MRPS2: variants seen among roughly 807,000 people sequenced by gnomAD.
The protein encoded by MRPS2 is mitochondrial ribosomal protein S2.
MRPS2 carries 13 observed loss-of-function variants against 18.9 expected under a neutral mutation model. The ratio of observed to expected loss-of-function variants is 0.69; its 90% CI spans 0.45 to 1.09. The LOEUF (loss-of-function observed/expected upper bound fraction) is 1.09, where lower values mean the gene tolerates loss of function less well. MRPS2 is among the 50% of genes least tolerant of loss of function. MRPS2 has a pLI of 0.00. For missense variants in MRPS2, 389 were observed against 421.7 expected (o/e 0.92, Z 0.68); for synonymous variants, 186 against 178.4 (o/e 1.04, Z -0.34).
rs574314151 is a variant in MRPS2, at chr9:135,503,212, C to T, written c.300-330C>T. On this transcript the variant is annotated intron_variant, in intron 3 of 3. Transcript: ENST00000241600. ...AAGAGGACAGTGACGGAGGCGGCTG[C>T]CCTGTGAGCTGCACGGGGCAGAATG... The T allele has an allele frequency of 1.9e-5, 22 of 1,141,486 alleles. No individual in the cohort carries two copies. In the African/African-American group the frequency reaches 3.5e-4, roughly 18 times the overall value. The allele number at this position is 1,141,486 out of a possible 1,614,324, so 70.7% of individuals were successfully genotyped here. A position where few individuals can be genotyped will look rare whatever the true frequency, so the allele number is the denominator to read the frequency against.
upstream of MRPS2, chr9:135,500,607 T>G: frequency 7.8e-7 from 1 of 1,275,454 alleles, no homozygotes; most frequent in Non-Finnish European, 1.0e-6. Flanking sequence ...CTGTGGCTCC[T>G]CCGGGCCTGT....
rs773082981 is a variant in MRPS2, at chr9:135,504,100, C to A, written c.858C>A (p.His286Gln). 1.2e-6 allele frequency: 2 copies of A among 1,610,642 alleles called. No homozygotes were observed. Among genetic ancestry groups the A allele is most frequent in the Non-Finnish European group, 8.5e-7 (1 of 1,179,634 alleles). Residue 286 changes from histidine (H) to glutamine (Q), a missense_variant, in exon 4 of 4, where the codon CAC becomes CAA. By Grantham distance (24) the His-to-Gln change is conservative (BLOSUM62 0). Coordinates refer to ENST00000241600, the MANE Select transcript of MRPS2 (RefSeq NM_016034.5). The surrounding 1 kb of genome is among the most constrained non-coding windows in gnomAD (Gnocchi z 4.3). ...AGCCCGGGGACCAGGGGCCAGCCCACCCTCCTGGGGCTGACATGAGCCATT... is the reference window on the plus strand; with the variant it reads ...AGCCCGGGGACCAGGGGCCAGCCCAACCTCCTGGGGCTGACATGAGCCATT... The part of the protein sequence containing the change: ...QKEPGDQGPA[H>Q]PPGADMSHSL
chr9:135,500,764 G>T lies in MRPS2; in HGVS notation c.43+11G>T. The T allele has an allele frequency of 6.8e-7, 1 of 1,475,404 alleles. No individual in the cohort carries two copies. 91.4% of individuals were successfully genotyped at this position (1,475,404 alleles called of 1,614,324 possible). ...GAATACTCGGCGCGGGTGAGCGCGC[G>T]CTTGCGGGACCCTGGGGAGGAGCAT... is the stretch of plus-strand genomic sequence containing the variant. On this transcript the variant is annotated intron_variant, in intron 1 of 3. Transcript: ENST00000241600.
Position 135,503,698 on chromosome 9 carries a change from G to C in MRPS2, c.456G>C (p.Ser152=). 6.2e-7 allele frequency: 1 copy of C among 1,613,682 alleles called. No homozygotes were observed. The highest frequency in any genetic ancestry group is 8.5e-7 in the Non-Finnish European group (1 of 1,180,020). Residue 152 remains serine, a synonymous_variant, in exon 4 of 4, where the codon TCG becomes TCC. Transcript: ENST00000241600. ...ILFISRNRQF[S]YLIENMARDC... is the part of the protein sequence containing the mutation. ...TTATAAGCCGCAACCGGCAGTTCTC[G>C]TACCTGATTGAGAACATGGCCCGTG...
At position 135,501,986 on chromosome 9, in the gene MRPS2, C is replaced by G. The variant is rs768653629; in HGVS notation, c.299+13C>G. The stretch of plus-strand genomic sequence containing the variant: ...GCTGTCGGCACAGGTAGGTGACACC[C>G]CCATCTGAGCCCGGGGCGGTTCCCA... On this transcript the variant is annotated intron_variant, in intron 3 of 3. Coordinates refer to ENST00000241600, the MANE Select transcript of MRPS2 (RefSeq NM_016034.5). 5 of 1,612,970 alleles carry G rather than the reference C, an allele frequency of 3.1e-6. No homozygotes were observed. The highest frequency in any genetic ancestry group is 1.7e-5 in the Admixed American group (1 of 60,002).
At chr9:135,502,272 T>TC (rs951257236) in intron 3 of MRPS2, 2 of 1,163,338 alleles carry the variant, frequency 1.7e-6, no homozygotes, top group Middle Eastern at 2.3e-4. Flanking sequence ...GTAAGGTTGG[T>TC]CCCCCCGGAT....
chr9:135,500,541 C>T (rs1831086035), upstream of MRPS2: 3 of 645,290 alleles, frequency 4.6e-6, no homozygotes, highest in Non-Finnish European at 4.8e-6. Context: ...ACCCCGGGCC[C>T]TGACCCCTCG....
At position 135,500,882 on chromosome 9, in the gene MRPS2, G is replaced by T. The variant is rs1479857979; in HGVS notation, c.44-116G>T. The T allele has an allele frequency of 5.2e-6, 8 of 1,545,784 alleles. No individual in the cohort carries two copies. The East Asian group carries it at 1.9e-4, about 37-fold the overall frequency. On this transcript the variant is annotated intron_variant, in intron 1 of 3. Coordinates refer to ENST00000241600, the MANE Select transcript of MRPS2 (RefSeq NM_016034.5). The stretch of plus-strand genomic sequence containing the variant: ...AGCGCGGAGGGGACTCGGGGAGGGC[G>T]CGGGGACGCGGAGGGGACCCGTTAG...
In MRPS2 at chr9:135,503,648, G is replaced by A; in HGVS notation, c.406G>A (p.Ala136Thr). 1 of 1,613,828 alleles carries A rather than the reference G, an allele frequency of 6.2e-7. No individual in the cohort carries two copies. The highest frequency in any genetic ancestry group is 2.2e-5 in the East Asian group (1 of 44,872). ...GGCCTTGAACTTCACCGCCCACATG[G>A]CCTACCGCAAGGGCATCATCTTGTT... The part of the protein sequence containing the change: ...QLALNFTAHM[A>T]YRKGIILFIS... The change falls in exon 4 of 4, where the codon GCC becomes ACC. Residue 136 changes from alanine (A) to threonine (T), a missense_variant. By Grantham distance (58) the Ala-to-Thr change is moderately conservative. Transcript: ENST00000241600.
At chr9:135,503,417 C>T (rs1328542007) in intron 3 of MRPS2, 125 bp from the exon 4 acceptor site, 9 of 1,393,842 alleles carry the variant, frequency 6.5e-6, no homozygotes, top group Middle Eastern at 1.8e-4. Context: ...ATTGTGCTTC[C>T]CAGCCCATAG....
At chr9:135,500,959 C>G in intron 1 of MRPS2, 39 bp from the exon 2 acceptor site, 1 of 1,606,934 alleles carries the variant, frequency 6.2e-7, no homozygotes, top group Non-Finnish European at 8.5e-7. Context: ...GTGGTGCATT[C>G]GGGACTCGGC....
rs370928628 is a variant in MRPS2 at position 135,503,866 on chromosome 9, C to G, written c.624C>G (p.Ala208=). Residue 208 remains alanine, a synonymous_variant, in exon 4 of 4, where the codon GCC becomes GCG. Transcript: ENST00000241600. ...ACAACATCTTTGAGCCACACGTGGCCGTGAGAGACGCAGCCAAGATGAACA... is the reference window on the plus strand; with the variant it reads ...ACAACATCTTTGAGCCACACGTGGCGGTGAGAGACGCAGCCAAGATGAACA... The part of the protein sequence containing the change: ...TLNNIFEPHV[A]VRDAAKMNIP... The G allele has an allele frequency of 1.9e-6, 3 of 1,613,848 alleles. No homozygotes were observed. The African/African-American group carries it at 4.0e-5, about 22-fold the overall frequency.
intron 2 of MRPS2, 113 bp downstream of exon 2, chr9:135,501,236 C>A: frequency 2.1e-6 from 3 of 1,445,198 alleles, no homozygotes; most frequent in Non-Finnish European, 2.7e-6. Flanking sequence ...CTGCGCGCTC[C>A]GCTGGGCTCC....
chr9:135,504,402 G>A lies in MRPS2; in HGVS notation c.*269G>A, dbSNP rs1349845666. 2.3e-5 allele frequency: 12 copies of A among 517,806 alleles called. No individual in the cohort carries two copies. The highest frequency in any genetic ancestry group is 4.1e-5 in the Non-Finnish European group (12 of 292,404). 32.1% of individuals were successfully genotyped at this position (517,806 alleles called of 1,614,324 possible). A position where few individuals can be genotyped will look rare whatever the true frequency, so the allele number is the denominator to read the frequency against. On this transcript the variant is annotated 3_prime_UTR_variant, in exon 4 of 4. Coordinates refer to ENST00000241600, the MANE Select transcript of MRPS2 (RefSeq NM_016034.5). The surrounding 1 kb of genome is among the most constrained non-coding windows in gnomAD (Gnocchi z 4.3). ...AGTTAGGACCTCAGTGGCTGGTATGGCCAAGCTGCTAGAAGATGCTGCTGT... is the reference window on the plus strand; with the variant it reads ...AGTTAGGACCTCAGTGGCTGGTATGACCAAGCTGCTAGAAGATGCTGCTGT...
upstream of MRPS2, chr9:135,500,168 A>G: frequency 5.0e-6 from 2 of 400,666 alleles, no homozygotes; most frequent in Non-Finnish European, 8.9e-6. Flanking sequence ...CAGCCGGGTG[A>G]CGGGGTTTAA....
At chr9:135,503,030 C>T (rs1831187836) in intron 3 of MRPS2, 9 of 899,474 alleles carry the variant, frequency 1.0e-5, no homozygotes, top group African/African-American at 1.8e-5. Context: ...GTCTCCCATG[C>T]CCCGCTTTTC....
chr9:135,503,643 A>C lies in MRPS2; in HGVS notation c.401A>C (p.His134Pro), dbSNP rs1466573014. ...CAGCTGGCCTTGAACTTCACCGCCC[A>C]CATGGCCTACCGCAAGGGCATCATC... ...HLQLALNFTA[H>P]MAYRKGIILF... Residue 134 changes from histidine (H) to proline (P), a missense_variant, in exon 4 of 4, where the codon CAC becomes CCC. Physicochemically the swap from His to Pro is moderately conservative, Grantham distance 77. Transcript: ENST00000241600. 1.9e-6 allele frequency: 3 copies of C among 1,613,854 alleles called. No individual in the cohort carries two copies. The highest frequency in any genetic ancestry group is 2.5e-6 in the Non-Finnish European group (3 of 1,180,028).
rs1415098558 is a variant in MRPS2 at position 135,502,279 on chromosome 9, G to A, written c.299+306G>A. ...CAGAACCTGTAAGGTTGGTCCCCCC[G>A]GATCGGGCTGGGCCTTCTGGGCTGC... On this transcript the variant is annotated intron_variant, in intron 3 of 3. Transcript: ENST00000241600. The A allele has an allele frequency of 2.0e-5, 24 of 1,181,434 alleles. No homozygotes were observed. In the East Asian group the frequency reaches 4.4e-4, roughly 21 times the overall value. The allele number at this position is 1,181,434 out of a possible 1,614,324, so 73.2% of individuals were successfully genotyped here. A position where few individuals can be genotyped will look rare whatever the true frequency, so the allele number is the denominator to read the frequency against.
At chr9:135,502,731 GGT>G (rs1476625079) in intron 3 of MRPS2, 1 of 153,014 alleles carries the variant, frequency 6.5e-6, no homozygotes, top group African/African-American at 2.4e-5. Flanking sequence ...GGGGCTGGCA[GGT>G]GTTTCCAGAG....
Sources: gnomAD v4.1 joint callset for allele counts on GRCh38, gnomAD v4.1.1 for gene constraint, Gnocchi (gnomAD v3.1) non-coding constraint, MANE v1.5 for transcripts, NCBI Gene and HGNC (gene_info 2026-07-23, HGNC 2026-07-21) for gene names.